Variants in CSNK2A2IP observed in about 807,000 individuals in gnomAD.
The protein encoded by CSNK2A2IP is casein kinase II subunit alpha'-interacting protein.
chr3:88,420,535 TTTTG>T, the CSNK2A2IP span, among the ~76,000 whole-genome samples: 19 of 152,246 alleles, frequency 1.2e-4, no homozygotes, highest in Non-Finnish European at 1.8e-4. Flanking sequence ...TAAGCTATAT[TTTTG>T]TTTATTATAA....
At chr3:88,369,913 G>A in the CSNK2A2IP span, among the ~76,000 whole-genome samples, 2 of 151,872 alleles carry the variant, frequency 1.3e-5, no homozygotes, top group African/African-American at 2.4e-5. Flanking sequence ...AAATCTGAGC[G>A]TAAACTCAGA....
At chr3:88,410,264 C>A in the CSNK2A2IP span, among the ~76,000 whole-genome samples, 1 of 152,036 alleles carries the variant, frequency 6.6e-6, no homozygotes, top group Non-Finnish European at 1.5e-5. Flanking sequence ...GATGACCCAC[C>A]TCCACATATT....
chr3:88,443,023 T>C, the CSNK2A2IP span, among the ~76,000 whole-genome samples: 2,074 of 152,256 alleles, frequency 0.014, 40 homozygotes, highest in African/African-American at 0.048. Context: ...AAAATGTATG[T>C]TTGCTTTTAA....
At chr3:88,445,150 TAATCTAC>T in the CSNK2A2IP span, among the ~76,000 whole-genome samples, 1 of 151,882 alleles carries the variant, frequency 6.6e-6, no homozygotes, top group East Asian at 1.9e-4. Context: ...AGAGATAATA[TAATCTAC>T]AATATTCTAA....
At chr3:88,442,206 T>A in the CSNK2A2IP span, among the ~76,000 whole-genome samples, 353 of 152,222 alleles carry the variant, frequency 2.3e-3, no homozygotes, top group African/African-American at 6.5e-3. Context: ...TGAATTTTTT[T>A]AAAATTTTTT....
the CSNK2A2IP span, among the ~76,000 whole-genome samples, chr3:88,405,557 C>T: frequency 6.6e-6 from 1 of 152,142 alleles, no homozygotes; most frequent in East Asian, 1.9e-4. Context: ...ACCCTATTAT[C>T]TTCTTTGGGT....
At chr3:88,457,662 C>T in the CSNK2A2IP span, among the ~76,000 whole-genome samples, 1 of 148,410 alleles carries the variant, frequency 6.7e-6, no homozygotes, top group Non-Finnish European at 1.5e-5. Context: ...TGCTATTGCA[C>T]TCTAGCCTGG....
At chr3:88,435,495 T>C in the CSNK2A2IP span, among the ~76,000 whole-genome samples, 13 of 152,270 alleles carry the variant, frequency 8.5e-5, no homozygotes, top group Non-Finnish European at 2.9e-5. Flanking sequence ...TATAGTTATC[T>C]ATCAACCAAA....
chr3:88,440,509 T>C, the CSNK2A2IP span, among the ~76,000 whole-genome samples: 1 of 152,134 alleles, frequency 6.6e-6, no homozygotes, highest in African/African-American at 2.4e-5. Flanking sequence ...AAAGTGGATA[T>C]GGGAAAAGGA....
chr3:88,340,423 T>C, the CSNK2A2IP span, among the ~76,000 whole-genome samples: 1 of 152,130 alleles, frequency 6.6e-6, no homozygotes, highest in South Asian at 2.1e-4. Context: ...TTATTCGTAA[T>C]GTATATTTTA....
At chr3:88,441,884 G>T in the CSNK2A2IP span, among the ~76,000 whole-genome samples, 312 of 152,080 alleles carry the variant, frequency 2.1e-3, 5 homozygotes, top group East Asian at 0.038. Flanking sequence ...TTTTCTTCTT[G>T]TTACCATTTT....
At chr3:88,347,532 C>G in the CSNK2A2IP span, among the ~76,000 whole-genome samples, 1 of 152,030 alleles carries the variant, frequency 6.6e-6, no homozygotes. Flanking sequence ...ATGGAATGCT[C>G]TGATGATTGT....
chr3:88,382,584 G>C, the CSNK2A2IP span: 1 of 152,214 alleles, frequency 6.6e-6, no homozygotes, highest in African/African-American at 2.4e-5. Flanking sequence ...CTATCTTGCA[G>C]GCCTCCTTAG....
At chr3:88,353,039 A>C in the CSNK2A2IP span, among the ~76,000 whole-genome samples, 1 of 152,168 alleles carries the variant, frequency 6.6e-6, no homozygotes, top group African/African-American at 2.4e-5. Flanking sequence ...TTGTTTTCTA[A>C]AAAAATAAGG....
At chr3:88,355,243 T>A in the CSNK2A2IP span, among the ~76,000 whole-genome samples, 1 of 152,288 alleles carries the variant, frequency 6.6e-6, no homozygotes, top group Non-Finnish European at 1.5e-5. Flanking sequence ...GAGTTTAGAC[T>A]ATAATTTCAA....
At chr3:88,409,001 T>C in the CSNK2A2IP span, among the ~76,000 whole-genome samples, 1 of 152,174 alleles carries the variant, frequency 6.6e-6, no homozygotes, top group African/African-American at 2.4e-5. Context: ...TTAGTTGCTA[T>C]TACGTGGCTG....
chr3:88,400,002 T>C, the CSNK2A2IP span, among the ~76,000 whole-genome samples: 1 of 152,216 alleles, frequency 6.6e-6, no homozygotes, highest in South Asian at 2.1e-4. Context: ...TATCACGTAA[T>C]AGAAGCATCA....
At chr3:88,360,502 T>G in the CSNK2A2IP span, among the ~76,000 whole-genome samples, 5 of 152,116 alleles carry the variant, frequency 3.3e-5, no homozygotes. Context: ...TTTTTGGTTT[T>G]CATTTGCATA....
the CSNK2A2IP span, among the ~76,000 whole-genome samples, chr3:88,344,132 C>A: frequency 1.3e-5 from 2 of 151,900 alleles, no homozygotes; most frequent in African/African-American, 2.4e-5. Flanking sequence ...GGCTCCCATT[C>A]TACTTAAAGA....
Sources: gnomAD v4.1 joint callset for allele counts (sites outside exome capture counted in the v4.1 genomes callset) on GRCh38, gnomAD v4.1.1 for gene constraint, MANE v1.5 for transcripts, NCBI Gene and HGNC (gene_info 2026-07-23, HGNC 2026-07-21) for gene names.